TNNI3K: variants seen among roughly 807,000 people sequenced by gnomAD.
The protein encoded by TNNI3K is serine/threonine-protein kinase TNNI3K.
In TNNI3K, 140 loss-of-function variants were observed where a neutral mutation model predicts 114.5. That is an observed-to-expected ratio of 1.22 (90% CI 1.07 to 1.41). The LOEUF is 1.41. Ranked by LOEUF, TNNI3K falls within the 40% of genes most tolerant of loss-of-function variation. The pLI is 0.00. For missense variants in TNNI3K, 1,125 were observed against 1,007.6 expected (o/e 1.12, Z -1.58); for synonymous variants, 347 against 347.5 (o/e 1.00, Z 0.02).
intron 23 of TNNI3K, among the ~76,000 whole-genome samples, chr1:74,506,484 C>G (rs940908240): frequency 6.6e-6 from 1 of 152,150 alleles, no homozygotes; most frequent in African/African-American, 2.4e-5. Flanking sequence ...AAGAGAGCTG[C>G]TCTCATACTA....
intron 5 of TNNI3K, among the ~76,000 whole-genome samples, chr1:74,282,984 G>T (rs906071968): frequency 1.3e-5 from 2 of 152,298 alleles, no homozygotes; most frequent in Admixed American, 1.3e-4. Context: ...TCTAGGGAAT[G>T]TCACTAATGA....
chr1:74,283,143 C>T (rs1321388939), intron 5 of TNNI3K, among the ~76,000 whole-genome samples: 2 of 152,114 alleles, frequency 1.3e-5, no homozygotes, highest in Non-Finnish European at 1.5e-5. Flanking sequence ...CTTTCTTTTA[C>T]ACATAGTCTT....
chr1:74,253,030 G>A (rs1277016961), intron 4 of TNNI3K, among the ~76,000 whole-genome samples: 2 of 152,076 alleles, frequency 1.3e-5, no homozygotes, highest in Non-Finnish European at 2.9e-5. Flanking sequence ...ATTTTGACAA[G>A]GTGCTGATTG....
chr1:74,403,118 A>G (rs1159591209), intron 17 of TNNI3K, among the ~76,000 whole-genome samples: 1 of 152,020 alleles, frequency 6.6e-6, no homozygotes, highest in African/African-American at 2.4e-5. Context: ...GCTTCTGGGT[A>G]TTTTATTTAG....
At chr1:74,443,478 A>G (rs1010032962) in intron 20 of TNNI3K, among the ~76,000 whole-genome samples, 3 of 152,288 alleles carry the variant, frequency 2.0e-5, no homozygotes, top group South Asian at 2.1e-4. Flanking sequence ...GCTTGCATGA[A>G]TAGACCAATA....
intron 21 of TNNI3K, among the ~76,000 whole-genome samples, chr1:74,485,184 C>T (rs1668691313): frequency 6.6e-6 from 1 of 152,162 alleles, no homozygotes; most frequent in Non-Finnish European, 1.5e-5. Context: ...TGAATAATTA[C>T]TTTGTGGAAT....
intron 4 of TNNI3K, 119 bp from the exon 5 acceptor site, chr1:74,271,479 C>T: frequency 1.1e-6 from 1 of 888,320 alleles, no homozygotes; most frequent in South Asian, 2.0e-5. Context: ...AGAAATCACA[C>T]TTAAGTTTCC....
intron 5 of TNNI3K, among the ~76,000 whole-genome samples, chr1:74,328,178 A>G (rs1380077248): frequency 6.6e-6 from 1 of 152,120 alleles, no homozygotes; most frequent in Non-Finnish European, 1.5e-5. Context: ...CTTTAACTGT[A>G]CTGGAAATAC....
chr1:74,322,537 G>A (rs1054330538), intron 5 of TNNI3K, among the ~76,000 whole-genome samples: 4 of 147,672 alleles, frequency 2.7e-5, no homozygotes, highest in African/African-American at 7.5e-5. Context: ...CTCGGCTCAC[G>A]GCAACCTCCA....
chr1:74,348,203 C>G (rs1337097482), intron 9 of TNNI3K, among the ~76,000 whole-genome samples: 1 of 150,674 alleles, frequency 6.6e-6, no homozygotes, highest in African/African-American at 2.4e-5. Flanking sequence ...TCCAGTTTCA[C>G]CTTTCTACAT....
At chr1:74,241,573 G>A (rs1381683981) in intron 2 of TNNI3K, among the ~76,000 whole-genome samples, 2 of 152,160 alleles carry the variant, frequency 1.3e-5, no homozygotes, top group Non-Finnish European at 2.9e-5. Context: ...CTGCATAAAT[G>A]TCTTCTTTTG....
At chr1:74,353,486 G>T in intron 10 of TNNI3K, 126 bp downstream of exon 10, 1 of 995,986 alleles carries the variant, frequency 1.0e-6, no homozygotes, top group South Asian at 1.7e-5. Context: ...TTTATCAACT[G>T]CCAGCATTTA....
chr1:74,442,054 A>AT (rs923942670), intron 20 of TNNI3K, among the ~76,000 whole-genome samples: 1 of 151,500 alleles, frequency 6.6e-6, no homozygotes, highest in African/African-American at 2.4e-5. Flanking sequence ...ACTTCCCCCT[A>AT]TTTTTTTTAT....
intron 2 of TNNI3K, among the ~76,000 whole-genome samples, chr1:74,242,447 A>C (rs1044583168): frequency 1.5e-4 from 23 of 152,178 alleles, no homozygotes; most frequent in African/African-American, 5.6e-4. Context: ...ATATCTTCTA[A>C]AATTATTGCA....
intron 7 of TNNI3K, among the ~76,000 whole-genome samples, chr1:74,336,573 T>A (rs1220804742): frequency 6.7e-6 from 1 of 149,936 alleles, no homozygotes; most frequent in Non-Finnish European, 1.5e-5. Context: ...ATTGTTCAAT[T>A]CCCACCTATG....
At chr1:74,291,644 C>A (rs2100289666) in intron 5 of TNNI3K, among the ~76,000 whole-genome samples, 1 of 151,658 alleles carries the variant, frequency 6.6e-6, no homozygotes, top group East Asian at 1.9e-4. Context: ...ACCATAGTTC[C>A]AACCTGCTTT....
Position 74,540,333 on chromosome 1 carries a change from A to G in TNNI3K, c.2431+20A>G. On this transcript the variant is annotated intron_variant, in intron 24 of 24. Transcript: ENST00000326637. Reference sequence around the variant, plus strand: ...AATATGGTAAGTAGGCAGATTCTTTAGGTTTGTTAAGAAAACTACCCCTAG... The same window carrying G: ...AATATGGTAAGTAGGCAGATTCTTTGGGTTTGTTAAGAAAACTACCCCTAG... 6.2e-7 allele frequency: 1 copy of G among 1,608,240 alleles called. No homozygotes were observed. Among genetic ancestry groups the G allele is most frequent in the East Asian group, 2.2e-5 (1 of 44,512 alleles).
At position 74,259,631 on chromosome 1, in the gene TNNI3K, T is replaced by C. The variant is rs528001146; in HGVS notation, c.333+8862T>C. ...CTACTAAAAATACAAAAATTAGCCA[T>C]ATGTGGTGGTGTGCGCCTATAGTCC... On this transcript the variant is annotated intron_variant, in intron 4 of 24. Coordinates refer to ENST00000326637, the MANE Select transcript of TNNI3K (RefSeq NM_015978.3). Among the ~76,000 whole-genome samples the C allele has an allele frequency of 6.6e-5, 10 of 152,004 alleles. No homozygotes were observed. The South Asian group carries it at 2.1e-3, about 32-fold the overall frequency.
intron 20 of TNNI3K, among the ~76,000 whole-genome samples, chr1:74,443,953 T>A (rs528251595): frequency 6.6e-6 from 1 of 152,280 alleles, no homozygotes; most frequent in African/African-American, 2.4e-5. Context: ...TTGATACAAT[T>A]CAACATCCCT....
Sources: allele counts gnomAD v4.1 joint callset (sites outside exome capture counted in the v4.1 genomes callset), GRCh38; gene constraint gnomAD v4.1.1; transcripts MANE v1.5; gene names NCBI Gene and HGNC (gene_info 2026-07-23, HGNC 2026-07-21).